Variants in CADM1 observed in about 807,000 individuals in gnomAD.
The protein encoded by CADM1 is TSLC-1.
Under a neutral mutation model 53.1 loss-of-function variants are expected in CADM1, and 15 were observed. The ratio of observed to expected loss-of-function variants is 0.28; its 90% CI spans 0.19 to 0.44. CADM1 has a LOEUF of 0.44. Among genes scored for constraint, CADM1 ranks in the 20% least tolerant of loss-of-function variants. The pLI is 1.00. For missense variants in CADM1, 434 were observed against 611.3 expected (o/e 0.71, Z 3.06); for synonymous variants, 281 against 243.0 (o/e 1.16, Z -1.45).
intron 1 of CADM1, among the ~76,000 whole-genome samples, chr11:115,373,478 C>T (rs918647734): frequency 2.0e-5 from 3 of 148,002 alleles, no homozygotes; most frequent in East Asian, 2.0e-4. Flanking sequence ...TCAGCTGCTC[C>T]GGTGGCTGAG....
intron 1 of CADM1, among the ~76,000 whole-genome samples, chr11:115,400,217 C>G (rs927789418): frequency 1.3e-5 from 2 of 151,916 alleles, no homozygotes; most frequent in Non-Finnish European, 2.9e-5. Context: ...AAAAGAAAAA[C>G]AGTGTACGTG....
intron 9 of CADM1, among the ~76,000 whole-genome samples, chr11:115,191,883 C>A (rs1361887163): frequency 6.6e-6 from 1 of 152,198 alleles, no homozygotes; most frequent in African/African-American, 2.4e-5. Flanking sequence ...GCTCATACTT[C>A]TCTAGTCAGA....
chr11:115,447,572 G>A (rs61905830), intron 1 of CADM1, among the ~76,000 whole-genome samples: 47 of 152,268 alleles, frequency 3.1e-4, no homozygotes, highest in Admixed American at 1.5e-3. Flanking sequence ...TGGAGGCACT[G>A]AAGCTTCTCT....
intron 1 of CADM1, among the ~76,000 whole-genome samples, chr11:115,371,268 A>T (rs968233918): frequency 1.3e-5 from 2 of 152,190 alleles, no homozygotes; most frequent in African/African-American, 4.8e-5. Flanking sequence ...TAAAAGTAAA[A>T]TGTTTGACAA....
Position 115,471,341 on chromosome 11 carries a change from T to C in CADM1, c.124+32930A>G, listed in dbSNP as rs909903221. On this transcript the variant is annotated intron_variant, in intron 1 of 11. Transcript: ENST00000331581. ...GAGCAGAATATAAACCAAGCACCTA[T>C]TGCTCAAACAGTGAACTGAGACTGC... Among the ~76,000 whole-genome samples the C allele has an allele frequency of 4.6e-5, 7 of 152,206 alleles. No homozygotes were observed. The East Asian group carries it at 7.7e-4, about 17-fold the overall frequency.
At chr11:115,355,479 G>A (rs981484120) in intron 1 of CADM1, among the ~76,000 whole-genome samples, 3 of 152,144 alleles carry the variant, frequency 2.0e-5, no homozygotes, top group Non-Finnish European at 4.4e-5. Context: ...TAGAGGCTGG[G>A]AGGAGGCTGA....
chr11:115,278,085 T>C (rs893257669), intron 1 of CADM1, among the ~76,000 whole-genome samples: 2 of 151,684 alleles, frequency 1.3e-5, no homozygotes, highest in African/African-American at 4.8e-5. Context: ...CCCTCACCAC[T>C]ATATCCTGTG....
intron 1 of CADM1, among the ~76,000 whole-genome samples, chr11:115,257,769 G>C (rs1167486765): frequency 6.6e-6 from 1 of 152,182 alleles, no homozygotes; most frequent in Non-Finnish European, 1.5e-5. Flanking sequence ...CTCTATGCCA[G>C]GCCACCCTTT....
At chr11:115,338,543 T>C (rs554837774) in intron 1 of CADM1, among the ~76,000 whole-genome samples, 7 of 152,274 alleles carry the variant, frequency 4.6e-5, no homozygotes, top group African/African-American at 1.7e-4. Flanking sequence ...TATAAATCCT[T>C]GAACCCAACA....
At chr11:115,429,472 G>A (rs571790468) in intron 1 of CADM1, among the ~76,000 whole-genome samples, 2 of 151,932 alleles carry the variant, frequency 1.3e-5, no homozygotes. Flanking sequence ...GGGCGTTGCG[G>A]TGGGCACCTG....
intron 1 of CADM1, among the ~76,000 whole-genome samples, chr11:115,347,885 C>T (rs1030357158): frequency 6.6e-6 from 1 of 152,136 alleles, no homozygotes; most frequent in Non-Finnish European, 1.5e-5. Context: ...CCAATAGTAT[C>T]CTCCATTACA....
At chr11:115,459,791 G>A (rs185768126) in intron 1 of CADM1, among the ~76,000 whole-genome samples, 5 of 152,242 alleles carry the variant, frequency 3.3e-5, no homozygotes, top group Admixed American at 3.3e-4. Context: ...ATGTGCATAT[G>A]GTTTTCTCTT....
chr11:115,284,087 ACT>A (rs141079093), intron 1 of CADM1, among the ~76,000 whole-genome samples: 3,772 of 47,554 alleles, frequency 0.079, 214 homozygotes, highest in Non-Finnish European at 0.11. Flanking sequence ...AAGCCCAGAC[ACT>A]CTCTCTCTCT....
At chr11:115,434,451 T>C (rs975453529) in intron 1 of CADM1, among the ~76,000 whole-genome samples, 9 of 152,236 alleles carry the variant, frequency 5.9e-5, no homozygotes, top group Admixed American at 5.2e-4. Flanking sequence ...CGACGCTGAC[T>C]ACACACCTCA....
intron 1 of CADM1, among the ~76,000 whole-genome samples, chr11:115,369,621 C>A (rs944783024): frequency 6.6e-6 from 1 of 152,152 alleles, no homozygotes; most frequent in South Asian, 2.1e-4. Flanking sequence ...AATTTAAGGG[C>A]ATATTGGCAT....
At chr11:115,383,098 CTATTT>C (rs1946618509) in intron 1 of CADM1, among the ~76,000 whole-genome samples, 1 of 152,162 alleles carries the variant, frequency 6.6e-6, no homozygotes, top group Non-Finnish European at 1.5e-5. Flanking sequence ...CTTCTTTAAT[CTATTT>C]TAAAGTTGTC....
intron 1 of CADM1, among the ~76,000 whole-genome samples, chr11:115,340,656 ATATT>A (rs1161505884): frequency 3.8e-5 from 2 of 52,332 alleles, no homozygotes; most frequent in Non-Finnish European, 6.3e-5. Flanking sequence ...ATATATATAT[ATATT>A]TTTTTTTTTT....
chr11:115,477,707 C>T (rs748044904), intron 1 of CADM1, among the ~76,000 whole-genome samples: 1 of 152,220 alleles, frequency 6.6e-6, no homozygotes, highest in Non-Finnish European at 1.5e-5. Context: ...TCTTCCTAAT[C>T]CTATTTGCAT....
chr11:115,309,775 C>T (rs1944482609), intron 1 of CADM1, among the ~76,000 whole-genome samples: 1 of 152,094 alleles, frequency 6.6e-6, no homozygotes, highest in East Asian at 1.9e-4. Context: ...ACATCCTCAC[C>T]TATAAATGGG....
Sources: allele counts gnomAD v4.1 joint callset (sites outside exome capture counted in the v4.1 genomes callset), GRCh38; gene constraint gnomAD v4.1.1; transcripts MANE v1.5; gene names NCBI Gene and HGNC (gene_info 2026-07-23, HGNC 2026-07-21).